Variants in FAAH2 observed in about 807,000 individuals in gnomAD.
FAAH2 encodes fatty acid amide hydrolase 2, also known as fatty-acid amide hydrolase 2.
A neutral mutation model predicts 36.9 loss-of-function variants in FAAH2; 60 were observed. The observed-to-expected ratio is 1.63, with a 90% CI of 1.32 to 2.02. The LOEUF is 2.02. Ranked by LOEUF, FAAH2 falls within the 30% of genes most tolerant of loss-of-function variation. The probability of loss-of-function intolerance (pLI) is 0.00; values close to 1 mark genes in which losing one functional copy is unlikely to be tolerated. For synonymous variants in FAAH2, 214 were observed against 143.8 expected, an observed-to-expected ratio of 1.49 and a Z score of -3.49; for missense variants, 689 against 397.5, an observed-to-expected ratio of 1.73 and a Z score of -6.23.
At chrX:57,466,018 C>A (rs762930507) in intron 10 of FAAH2, among the ~76,000 whole-genome samples, 1 of 108,629 alleles carries the variant, frequency 9.2e-6, no homozygotes, top group South Asian at 3.9e-4. Flanking sequence ...GCAAAAGACT[C>A]TACAAATGTA....
At chrX:57,447,495 C>T (rs1484354096) in intron 9 of FAAH2, among the ~76,000 whole-genome samples, 1 of 85,877 alleles carries the variant, frequency 1.2e-5, no homozygotes, top group East Asian at 3.6e-4. Context: ...CTGTGAGGGC[C>T]TTGTCCCTCA....
intron 10 of FAAH2, among the ~76,000 whole-genome samples, chrX:57,478,116 G>T (rs777304651): frequency 8.9e-6 from 1 of 111,806 alleles, no homozygotes. Context: ...CAGTGTGAAA[G>T]TGTTCCTATT....
At chrX:57,469,645 T>A (rs1050315860) in intron 10 of FAAH2, among the ~76,000 whole-genome samples, 1 of 111,299 alleles carries the variant, frequency 9.0e-6, no homozygotes. Flanking sequence ...AACACAATAA[T>A]AATGGGAGAC....
At chrX:57,416,376 C>T (rs2055843204) in intron 7 of FAAH2, among the ~76,000 whole-genome samples, 1 of 110,798 alleles carries the variant, frequency 9.0e-6, no homozygotes, top group Non-Finnish European at 1.9e-5. Flanking sequence ...CAGTTTTTTC[C>T]TTTCCATGTT....
At chrX:57,433,177 A>G (rs1444569159) in intron 8 of FAAH2, among the ~76,000 whole-genome samples, 4 of 111,592 alleles carry the variant, frequency 3.6e-5, no homozygotes, top group Non-Finnish European at 5.7e-5. Flanking sequence ...CACTTCCAGA[A>G]GACACTGTCT....
intron 7 of FAAH2, among the ~76,000 whole-genome samples, chrX:57,383,373 G>T (rs1035700049): frequency 8.9e-6 from 1 of 111,920 alleles, no homozygotes; most frequent in South Asian, 3.7e-4. Flanking sequence ...CTAGAAAAGA[G>T]GAAGTCAAAT....
At chrX:57,313,892 C>T (rs757842275) in intron 3 of FAAH2, among the ~76,000 whole-genome samples, 2 of 110,820 alleles carry the variant, frequency 1.8e-5, no homozygotes, top group Non-Finnish European at 3.8e-5. Flanking sequence ...AATAAAATCA[C>T]ACATATTTGA....
At chrX:57,375,180 T>A (rs745981560) in intron 5 of FAAH2, among the ~76,000 whole-genome samples, 11 of 109,526 alleles carry the variant, frequency 1.0e-4, no homozygotes, top group Non-Finnish European at 1.3e-4. Flanking sequence ...TCTGTAGTTG[T>A]TTTTTTGTTG....
At chrX:57,488,581 C>T (rs2057516437) in intron 10 of FAAH2, among the ~76,000 whole-genome samples, 176 bp from the exon 11 acceptor site, 1 of 111,506 alleles carries the variant, frequency 9.0e-6, no homozygotes, top group African/African-American at 3.3e-5. Context: ...ATATTATGAG[C>T]TTGTTGTGAT....
intron 3 of FAAH2, among the ~76,000 whole-genome samples, chrX:57,314,880 G>A (rs962487721): frequency 9.9e-5 from 11 of 110,673 alleles, no homozygotes; most frequent in South Asian, 3.7e-4. Context: ...TGTGAACTAC[G>A]ATAATAAGAA....
the FAAH2 span, among the ~76,000 whole-genome samples, chrX:57,210,230 C>T: frequency 4.5e-5 from 5 of 111,428 alleles, no homozygotes; most frequent in Non-Finnish European, 7.5e-5. Flanking sequence ...GTGTAGACTT[C>T]TAGTCTGCCA....
At chrX:57,154,404 C>G in the FAAH2 span, among the ~76,000 whole-genome samples, 2 of 107,304 alleles carry the variant, frequency 1.9e-5, no homozygotes, top group Non-Finnish European at 3.8e-5. Context: ...GCTGGGACTA[C>G]AGGCACCCAC....
chrX:57,267,004 C>A, the FAAH2 span, among the ~76,000 whole-genome samples: 2 of 111,917 alleles, frequency 1.8e-5, no homozygotes, highest in African/African-American at 6.5e-5. Flanking sequence ...GGTCTGCTGG[C>A]CTCCTGGGGC....
intron 6 of FAAH2, 117 bp from the exon 7 acceptor site, chrX:57,380,795 C>T (rs2054823722): frequency 4.6e-6 from 2 of 439,533 alleles, no homozygotes; most frequent in Non-Finnish European, 7.8e-6. Flanking sequence ...CTGTTTCTGG[C>T]ACACAGTGCT....
the FAAH2 span, among the ~76,000 whole-genome samples, chrX:57,244,706 C>T: frequency 8.9e-6 from 1 of 111,776 alleles, no homozygotes; most frequent in Non-Finnish European, 1.9e-5. Context: ...ACCAGGCCTG[C>T]CTTCCAAGAA....
the FAAH2 span, among the ~76,000 whole-genome samples, chrX:57,208,623 G>A: frequency 4.5e-5 from 5 of 112,081 alleles, no homozygotes; most frequent in East Asian, 1.4e-3. Context: ...AATATAGGGT[G>A]TGGAGTGGGA....
chrX:57,355,961 ATTCTT>A (rs1037724900), intron 5 of FAAH2, among the ~76,000 whole-genome samples: 2 of 111,030 alleles, frequency 1.8e-5, no homozygotes, highest in Admixed American at 1.9e-4. Context: ...ATTATTGTCT[ATTCTT>A]TATTTGTTGG....
the FAAH2 span, among the ~76,000 whole-genome samples, chrX:57,232,744 GA>G: frequency 8.9e-6 from 1 of 111,921 alleles, no homozygotes; most frequent in Non-Finnish European, 1.9e-5. Context: ...CTAACTCTTA[GA>G]ACAGTGATAA....
At chrX:57,235,600 C>T in the FAAH2 span, among the ~76,000 whole-genome samples, 1 of 112,141 alleles carries the variant, frequency 8.9e-6, no homozygotes, top group Non-Finnish European at 1.9e-5. Flanking sequence ...CCAAATAACA[C>T]TATTTGGACT....
Sources: allele counts gnomAD v4.1 joint callset (sites outside exome capture counted in the v4.1 genomes callset), GRCh38; gene constraint gnomAD v4.1.1; transcripts MANE v1.5; gene names NCBI Gene and HGNC (gene_info 2026-07-23, HGNC 2026-07-21).